The following RBFOX1 variants were observed in gnomAD, a reference collection of about 807,000 sequenced individuals.
The protein encoded by RBFOX1 is RNA binding fox-1 homolog 1, also known as RNA binding protein fox-1 homolog 1.
Under a neutral mutation model 57.7 loss-of-function variants are expected in RBFOX1, and 8 were observed. That is an observed-to-expected ratio of 0.14 (90% CI 0.08 to 0.25). RBFOX1 has a LOEUF of 0.25. Among genes scored for constraint, RBFOX1 ranks in the 10% least tolerant of loss-of-function variants. RBFOX1 has a pLI of 1.00. For missense variants in RBFOX1, 611 were observed against 548.5 expected (o/e 1.11, Z -1.14); for synonymous variants, 326 against 222.4 (o/e 1.47, Z -4.15).
chr16:5,876,579 A>G (rs1318408465), intron 4 of RBFOX1, among the ~76,000 whole-genome samples: 2 of 152,224 alleles, frequency 1.3e-5, no homozygotes, highest in South Asian at 2.1e-4. Context: ...TTCCCCTGCT[A>G]CAGCTAAACC....
chr16:6,952,266 C>G (rs375660796), intron 3 of RBFOX1, among the ~76,000 whole-genome samples: 1 of 152,070 alleles, frequency 6.6e-6, no homozygotes, highest in Non-Finnish European at 1.5e-5. Context: ...ATTTCTGGTT[C>G]TAAAAGAACA....
intron 2 of RBFOX1, among the ~76,000 whole-genome samples, chr16:6,600,163 GATT>G: frequency 6.6e-6 from 1 of 152,142 alleles, no homozygotes; most frequent in Non-Finnish European, 1.5e-5. Flanking sequence ...CACAGAATCA[GATT>G]ATTATTACTT....
rs1031694605 is a variant in RBFOX1, at chr16:7,510,350, A to G, written c.28-7797A>G. On this transcript the variant is annotated intron_variant, in intron 4 of 15. Coordinates refer to ENST00000550418, the MANE Select transcript of RBFOX1 (RefSeq NM_018723.4). ...TTTTTTCCATTTAATCTTTCACTCA[A>G]AATTGCGATTTGAATGAAGCTGAAA... The G allele has an allele frequency of 3.0e-6, 3 of 984,892 alleles. No individual in the cohort carries two copies. In the African/African-American group the frequency reaches 5.2e-5, roughly 17 times the overall value. The allele number at this position is 984,892 out of a possible 1,614,324, so 61.0% of individuals were successfully genotyped here. A position where few individuals can be genotyped will look rare whatever the true frequency, so the allele number is the denominator to read the frequency against.
At chr16:7,349,378 A>C (rs1332918671) in intron 4 of RBFOX1, among the ~76,000 whole-genome samples, 4 of 152,176 alleles carry the variant, frequency 2.6e-5, no homozygotes, top group African/African-American at 4.8e-5. Flanking sequence ...CTTAAAAACT[A>C]AATCCTCCTC....
chr16:7,567,242 C>CCTAT (rs1555611945), intron 5 of RBFOX1, among the ~76,000 whole-genome samples: 722 of 70,808 alleles, frequency 0.01, 24 homozygotes, highest in African/African-American at 0.033. Flanking sequence ...TATATATATC[C>CCTAT]ATATATCCCT....
At chr16:6,514,151 G>T (rs976398114) in intron 2 of RBFOX1, among the ~76,000 whole-genome samples, 5 of 152,140 alleles carry the variant, frequency 3.3e-5, no homozygotes, top group African/African-American at 1.2e-4. Context: ...GTTCCATCCA[G>T]TGCTCTTTCT....
intron 3 of RBFOX1, among the ~76,000 whole-genome samples, chr16:7,033,159 C>G (rs375449628): frequency 9.2e-5 from 14 of 152,086 alleles, no homozygotes; most frequent in Non-Finnish European, 1.8e-4. Flanking sequence ...GTTCTGATGA[C>G]GAGGCGGTAA....
intron 2 of RBFOX1, among the ~76,000 whole-genome samples, chr16:6,454,650 A>G (rs922864857): frequency 6.6e-6 from 1 of 152,118 alleles, no homozygotes; most frequent in Admixed American, 6.5e-5. Context: ...TATACTTAAA[A>G]CCAGCACTTC....
At chr16:5,745,706 T>C (rs1406054492) in intron 3 of RBFOX1, among the ~76,000 whole-genome samples, 1 of 152,234 alleles carries the variant, frequency 6.6e-6, no homozygotes, top group Non-Finnish European at 1.5e-5. Context: ...TGATGAGCAT[T>C]TTTTCATGTG....
intron 3 of RBFOX1, among the ~76,000 whole-genome samples, chr16:7,051,527 C>G (rs2050078575): frequency 6.6e-6 from 1 of 152,208 alleles, no homozygotes; most frequent in African/African-American, 2.4e-5. Flanking sequence ...CTTCACAATT[C>G]TCCCCAGCAC....
chr16:6,926,688 T>C (rs1479332332), intron 3 of RBFOX1, among the ~76,000 whole-genome samples: 1 of 152,148 alleles, frequency 6.6e-6, no homozygotes. Flanking sequence ...AAGGTAAAAA[T>C]GCTACTTAGC....
At chr16:5,913,314 A>T (rs1339809397) in intron 4 of RBFOX1, among the ~76,000 whole-genome samples, 1 of 152,156 alleles carries the variant, frequency 6.6e-6, no homozygotes, top group East Asian at 1.9e-4. Flanking sequence ...TATGATTTGA[A>T]TATTCATCCC....
At chr16:5,769,727 C>T (rs1336979521) in intron 3 of RBFOX1, among the ~76,000 whole-genome samples, 10 of 152,214 alleles carry the variant, frequency 6.6e-5, no homozygotes, top group African/African-American at 2.2e-4. Context: ...GAAGAGGAGT[C>T]ATCTACAGTG....
At chr16:5,560,131 C>T (rs2045839145) in intron 2 of RBFOX1, among the ~76,000 whole-genome samples, 1 of 152,178 alleles carries the variant, frequency 6.6e-6, no homozygotes, top group Non-Finnish European at 1.5e-5. Context: ...TCTCTTTCCT[C>T]TGAGTATTTG....
In RBFOX1 at chr16:6,019,500, C is replaced by G. The variant is rs2095027015; in HGVS notation, c.-619C>G. On this transcript the variant is annotated 5_prime_UTR_variant, in exon 1 of 16. Transcript: ENST00000550418. This position sits in a 1 kb window ranked among gnomAD's most constrained non-coding sequence, Gnocchi z 4.2. Reference sequence around the variant, plus strand: ...CTCCCCCTCCGCCCCAGCCCCCCAGCAGCACCCGCGGTGGGGCGGGGGCGC... The same window carrying G: ...CTCCCCCTCCGCCCCAGCCCCCCAGGAGCACCCGCGGTGGGGCGGGGGCGC... 33 of 1,025,602 alleles carry G rather than the reference C, an allele frequency of 3.2e-5. No individual in the cohort carries two copies. Among genetic ancestry groups the G allele is most frequent in the Middle Eastern group, 9.2e-4 (2 of 2,164 alleles). 63.5% of individuals were successfully genotyped at this position (1,025,602 alleles called of 1,614,324 possible). A position where few individuals can be genotyped will look rare whatever the true frequency, so the allele number is the denominator to read the frequency against.
intron 1 of RBFOX1, among the ~76,000 whole-genome samples, chr16:6,280,820 C>G (rs73535370): frequency 1.1e-3 from 174 of 151,924 alleles, no homozygotes; most frequent in Non-Finnish European, 7.4e-4. Context: ...CAGAAAATCC[C>G]GAGGACACAT....
At chr16:6,992,118 T>G (rs1217575769) in intron 3 of RBFOX1, among the ~76,000 whole-genome samples, 1 of 152,172 alleles carries the variant, frequency 6.6e-6, no homozygotes, top group Non-Finnish European at 1.5e-5. Flanking sequence ...TAGCTGTCTC[T>G]TCCTTTCCAG....
chr16:6,594,330 A>G (rs533679874), intron 2 of RBFOX1, among the ~76,000 whole-genome samples: 2 of 152,300 alleles, frequency 1.3e-5, no homozygotes, highest in South Asian at 2.1e-4. Flanking sequence ...ACAAGATCCC[A>G]TATTTAACCT....
intron 3 of RBFOX1, among the ~76,000 whole-genome samples, chr16:7,044,732 GA>G (rs1299387965): frequency 6.6e-6 from 1 of 152,124 alleles, no homozygotes. Context: ...GTTTCCAAAT[GA>G]AATGACATTT....
Sources: allele counts gnomAD v4.1 joint callset (sites outside exome capture counted in the v4.1 genomes callset), GRCh38; gene constraint gnomAD v4.1.1; non-coding constraint Gnocchi (gnomAD v3.1); transcripts MANE v1.5; gene names NCBI Gene and HGNC (gene_info 2026-07-23, HGNC 2026-07-21).